Variants in ADAMTS2 observed in about 807,000 individuals in gnomAD.
ADAMTS2 encodes A disintegrin and metalloproteinase with thrombospondin motifs 2.
Under a neutral mutation model 123.0 loss-of-function variants are expected in ADAMTS2, and 50 were observed. The ratio of observed to expected loss-of-function variants is 0.41; its 90% confidence interval spans 0.32 to 0.51. The LOEUF is 0.51. ADAMTS2 is among the 20% of genes least tolerant of loss of function. The probability of loss-of-function intolerance (pLI) is 0.35; values close to 1 mark genes in which losing one functional copy is unlikely to be tolerated. For missense variants in ADAMTS2, 1,494 were observed against 1,705.2 expected (o/e 0.88, Z 2.18); for synonymous variants, 678 against 695.4 (o/e 0.98, Z 0.39).
chr5:179,329,099 G>T (rs562893674), intron 2 of ADAMTS2, among the ~76,000 whole-genome samples: 5 of 152,144 alleles, frequency 3.3e-5, no homozygotes, highest in African/African-American at 1.2e-4. Context: ...AGGCCAAGGA[G>T]GGCGGATCAC....
intron 3 of ADAMTS2, among the ~76,000 whole-genome samples, chr5:179,244,359 A>T (rs1765735336): frequency 6.6e-6 from 1 of 152,254 alleles, no homozygotes; most frequent in Non-Finnish European, 1.5e-5. Flanking sequence ...AAGGCAGCAG[A>T]ATGGCATATC....
chr5:179,138,894 G>A (rs1052822956), intron 11 of ADAMTS2, among the ~76,000 whole-genome samples: 10 of 152,340 alleles, frequency 6.6e-5, no homozygotes, highest in Admixed American at 4.6e-4. Context: ...CGCAGCAGCC[G>A]GGACGCACCC....
At chr5:179,227,006 G>A (rs147355047) in intron 3 of ADAMTS2, among the ~76,000 whole-genome samples, 88 of 152,248 alleles carry the variant, frequency 5.8e-4, no homozygotes, top group African/African-American at 2.0e-3. Flanking sequence ...GGTAGCACAC[G>A]GTGTAGTCTA....
rs764294190 is a variant in ADAMTS2, at chr5:179,307,097, G to A, written c.535-34033C>T. ...GGCAGCCGAGTAAGAAGAACCTCTC[G>A]GGGAAGTCAGTGGCCAGCCAGCCTA... On this transcript the variant is annotated intron_variant, in intron 2 of 21. Coordinates refer to ENST00000251582, the MANE Select transcript of ADAMTS2 (RefSeq NM_014244.5). The surrounding 1 kb of genome is among the most constrained non-coding windows in gnomAD (Gnocchi z 5.6). Among the ~76,000 whole-genome samples, 1 of 152,138 alleles carries A rather than the reference G, an allele frequency of 6.6e-6. No individual in the cohort carries two copies. The highest frequency in any genetic ancestry group is 6.5e-5 in the Admixed American group (1 of 15,284).
At chr5:179,207,325 G>A (rs1764721184) in intron 4 of ADAMTS2, among the ~76,000 whole-genome samples, 188 bp downstream of exon 4, 1 of 152,164 alleles carries the variant, frequency 6.6e-6, no homozygotes, top group African/African-American at 2.4e-5. Context: ...AGAGAACTGA[G>A]GTCAGGGATG....
chr5:179,254,418 G>A (rs993372525), intron 3 of ADAMTS2, among the ~76,000 whole-genome samples: 2 of 152,180 alleles, frequency 1.3e-5, no homozygotes, highest in South Asian at 4.1e-4. Context: ...TGGGTGCAGG[G>A]TTCCCACTGG....
chr5:179,237,919 C>G (rs995202889), intron 3 of ADAMTS2, among the ~76,000 whole-genome samples: 1 of 152,214 alleles, frequency 6.6e-6, no homozygotes, highest in South Asian at 2.1e-4. Context: ...GCTCCCGACA[C>G]GCACGCCGCA....
At chr5:179,224,713 G>A (rs1765236343) in intron 3 of ADAMTS2, among the ~76,000 whole-genome samples, 1 of 152,344 alleles carries the variant, frequency 6.6e-6, no homozygotes, top group South Asian at 2.1e-4. Flanking sequence ...GGATTTGCAT[G>A]TGAAGTCTCT....
At chr5:179,341,290 GA>G (rs1373191553) in intron 2 of ADAMTS2, 1 of 351,436 alleles carries the variant, frequency 2.8e-6, no homozygotes, top group African/African-American at 2.2e-5. Context: ...AGGAGGCCAA[GA>G]TGGGCAGATC....
intron 2 of ADAMTS2, among the ~76,000 whole-genome samples, chr5:179,316,647 C>G (rs1295947475): frequency 6.6e-6 from 1 of 152,204 alleles, no homozygotes; most frequent in Admixed American, 6.5e-5. Flanking sequence ...GAACTGCTGT[C>G]GAACATGAAG....
rs976085987 is a variant in ADAMTS2, at chr5:179,317,964, T to G, written c.534+25803A>C. The stretch of plus-strand genomic sequence containing the variant: ...CCAGGGCTGGGGTGGAGCCGGGACA[T>G]GAGGAACGGGCAGTGATGAATCTGA... On this transcript the variant is annotated intron_variant, in intron 2 of 21. Transcript: ENST00000251582. This position sits in a 1 kb window ranked among gnomAD's most constrained non-coding sequence, Gnocchi z 4.9. 1.3e-5 allele frequency among the ~76,000 whole-genome samples: 2 copies of G among 152,118 alleles called. No homozygotes were observed. The highest frequency in any genetic ancestry group is 2.9e-5 in the Non-Finnish European group (2 of 68,014).
At chr5:179,153,814 C>T (rs1453839361) in intron 8 of ADAMTS2, among the ~76,000 whole-genome samples, 191 bp from the exon 9 acceptor site, 3 of 152,104 alleles carry the variant, frequency 2.0e-5, no homozygotes, top group Non-Finnish European at 2.9e-5. Context: ...CTGGCTTGAG[C>T]GGACCCCAGG....
rs997695265 is a variant in ADAMTS2 at position 179,117,972 on chromosome 5, A to G, written c.3179-3648T>C. 1.3e-5 allele frequency among the ~76,000 whole-genome samples: 2 copies of G among 152,172 alleles called. No individual in the cohort carries two copies. Among genetic ancestry groups the G allele is most frequent in the Admixed American group, 6.5e-5 (1 of 15,284 alleles). ...GAAAAGGTTGACTGATCGTGGGTCA[A>G]GTGCACGCCTAGGTCAGAGCCATGC... On this transcript the variant is annotated intron_variant, in intron 21 of 21. Coordinates refer to ENST00000251582, the MANE Select transcript of ADAMTS2 (RefSeq NM_014244.5). The surrounding 1 kb of genome is among the most constrained non-coding windows in gnomAD (Gnocchi z 4.2).
chr5:179,184,507 T>A (rs1417904138), intron 4 of ADAMTS2, among the ~76,000 whole-genome samples: 1 of 127,122 alleles, frequency 7.9e-6, no homozygotes, highest in African/African-American at 3.3e-5. Context: ...CAAGACTCTG[T>A]CTAAAAAAAA....
intron 3 of ADAMTS2, among the ~76,000 whole-genome samples, chr5:179,250,917 G>A (rs1765907042): frequency 6.6e-6 from 1 of 152,220 alleles, no homozygotes; most frequent in Non-Finnish European, 1.5e-5. Flanking sequence ...TTCCGCCAGT[G>A]GAGCCCCAGC....
At chr5:179,250,190 C>G (rs1297657370) in intron 3 of ADAMTS2, among the ~76,000 whole-genome samples, 1 of 152,150 alleles carries the variant, frequency 6.6e-6, no homozygotes, top group African/African-American at 2.4e-5. Flanking sequence ...AAGGGAAATT[C>G]CTCAGCATGA....
chr5:179,271,456 C>T (rs928739908), intron 3 of ADAMTS2, among the ~76,000 whole-genome samples: 5 of 152,192 alleles, frequency 3.3e-5, no homozygotes, highest in Non-Finnish European at 7.4e-5. Context: ...TGGGCTTGCC[C>T]GACAGCAGCT....
intron 3 of ADAMTS2, among the ~76,000 whole-genome samples, chr5:179,244,241 C>A (rs1437672637): frequency 1.3e-5 from 2 of 152,072 alleles, no homozygotes; most frequent in South Asian, 4.2e-4. Context: ...ATGCCGAAAG[C>A]CAAAGACAAA....
chr5:179,286,428 G>C (rs1756023568), intron 2 of ADAMTS2, among the ~76,000 whole-genome samples: 1 of 152,094 alleles, frequency 6.6e-6, no homozygotes, highest in Non-Finnish European at 1.5e-5. Flanking sequence ...GACAGAGCCG[G>C]CACGGTGGGT....
Sources: gnomAD v4.1 joint callset for allele counts (sites outside exome capture counted in the v4.1 genomes callset) on GRCh38, gnomAD v4.1.1 for gene constraint, Gnocchi (gnomAD v3.1) non-coding constraint, MANE v1.5 for transcripts, NCBI Gene and HGNC (gene_info 2026-07-23, HGNC 2026-07-21) for gene names.